GRM5: variants seen among roughly 807,000 people sequenced by gnomAD.
GRM5 encodes the protein glutamate metabotropic receptor 5.
GRM5 carries 19 observed loss-of-function variants against 83.1 expected under a neutral mutation model. The observed-to-expected ratio is 0.23, with a 90% confidence interval of 0.16 to 0.34. GRM5 has a LOEUF of 0.34. Ranked by LOEUF, GRM5 falls within the 10% of genes least tolerant of loss-of-function variation. The probability of loss-of-function intolerance (pLI) is 1.00; values close to 1 mark genes in which losing one functional copy is unlikely to be tolerated. For synonymous variants in GRM5, 675 were observed against 633.6 expected (o/e 1.07, Z -0.98); for missense variants, 1,160 against 1,588.3 (o/e 0.73, Z 4.58).
intron 4 of GRM5, among the ~76,000 whole-genome samples, chr11:88,639,837 A>C (rs1939242168): frequency 6.6e-6 from 1 of 152,166 alleles, no homozygotes; most frequent in African/African-American, 2.4e-5. Flanking sequence ...TTCAAATTCT[A>C]GTGCCTTAGG....
chr11:88,911,548 C>T lies in GRM5; in HGVS notation c.662-61393G>A, dbSNP rs561681711. ...CATATGATGGGTAGTATATTTAATT[C>T]GTGTACCACCCAGGTAGCATAGTGT... On this transcript the variant is annotated intron_variant, in intron 2 of 9. Coordinates refer to ENST00000305447, the MANE Select transcript of GRM5 (RefSeq NM_001143831.3). 7.9e-5 allele frequency among the ~76,000 whole-genome samples: 12 copies of T among 152,234 alleles called. No individual in the cohort carries two copies. In the East Asian group the frequency reaches 1.4e-3, roughly 17 times the overall value.
chr11:88,702,929 C>T (rs1941068614), intron 3 of GRM5, among the ~76,000 whole-genome samples: 1 of 152,038 alleles, frequency 6.6e-6, no homozygotes, highest in African/African-American at 2.4e-5. Context: ...GACTTCTAGC[C>T]TTCAGAACTA....
intron 3 of GRM5, among the ~76,000 whole-genome samples, chr11:88,843,293 A>G (rs914346380): frequency 1.3e-5 from 2 of 152,184 alleles, no homozygotes; most frequent in African/African-American, 4.8e-5. Flanking sequence ...TTCAATTTAC[A>G]TGATAATTGT....
At chr11:89,009,930 A>AAAAAAAAAAAAAAAAAAAC (rs1316250515) in intron 2 of GRM5, among the ~76,000 whole-genome samples, 1 of 100,122 alleles carries the variant, frequency 1.0e-5, no homozygotes, top group African/African-American at 3.1e-5. Flanking sequence ...AAAAAAAAAA[A>AAAAAAAAAAAAAAAAAAAC]CACACACAAA....
intron 2 of GRM5, among the ~76,000 whole-genome samples, chr11:88,967,671 A>C (rs59124041): frequency 0.049 from 7,513 of 152,134 alleles, 614 homozygotes; most frequent in African/African-American, 0.17. Flanking sequence ...TTAGGGATTA[A>C]ATTTCAACAT....
At position 88,816,140 on chromosome 11, in the gene GRM5, G is replaced by C. The variant is rs1236404621; in HGVS notation, c.911+33766C>G. On this transcript the variant is annotated intron_variant, in intron 3 of 9. Coordinates refer to ENST00000305447, the MANE Select transcript of GRM5 (RefSeq NM_001143831.3). ...AGGCAGGAGAATGGCGTGAACCCGG[G>C]AAGCGGAGCTTGCAGTGAGCCGAGA... Among the ~76,000 whole-genome samples the C allele has an allele frequency of 9.2e-5, 13 of 140,930 alleles. No homozygotes were observed. In the East Asian group the frequency reaches 2.5e-3, roughly 27 times the overall value. The allele number at this position is 140,930 out of a possible 152,430, so 92.5% of individuals were successfully genotyped here.
At chr11:88,945,759 G>A (rs1295302514) in intron 2 of GRM5, among the ~76,000 whole-genome samples, 1 of 152,006 alleles carries the variant, frequency 6.6e-6, no homozygotes. Context: ...AGATTTAAAT[G>A]TAAGACCTCA....
At chr11:88,839,068 G>A (rs895311626) in intron 3 of GRM5, among the ~76,000 whole-genome samples, 2 of 151,964 alleles carry the variant, frequency 1.3e-5, no homozygotes, top group African/African-American at 4.8e-5. Flanking sequence ...CCTCCACCTG[G>A]ACTTTAAATG....
chr11:88,513,214 A>G (rs563007849), intron 9 of GRM5, among the ~76,000 whole-genome samples: 2 of 152,286 alleles, frequency 1.3e-5, no homozygotes, highest in Admixed American at 6.5e-5. Context: ...CTATATGTCT[A>G]TCTCACCTGC....
intron 8 of GRM5, among the ~76,000 whole-genome samples, chr11:88,549,526 C>G (rs1222447995): frequency 6.6e-6 from 1 of 151,690 alleles, no homozygotes; most frequent in Non-Finnish European, 1.5e-5. Flanking sequence ...AAAGAAATGT[C>G]CAAGGATTGT....
At chr11:88,787,791 C>T (rs1389486237) in intron 3 of GRM5, among the ~76,000 whole-genome samples, 1 of 151,906 alleles carries the variant, frequency 6.6e-6, no homozygotes, top group Non-Finnish European at 1.5e-5. Flanking sequence ...AAAATAATAT[C>T]ATTTATTGAG....
rs1940081540 is a variant in GRM5, at chr11:88,667,781, T to C, written c.912-14378A>G. 2.6e-5 allele frequency among the ~76,000 whole-genome samples: 4 copies of C among 151,920 alleles called. No individual in the cohort carries two copies. In the South Asian group the frequency reaches 8.3e-4, roughly 32 times the overall value. On this transcript the variant is annotated intron_variant, in intron 3 of 9. Coordinates refer to ENST00000305447, the MANE Select transcript of GRM5 (RefSeq NM_001143831.3). ...GGTGGCAGGCGCCTGTAGTCCCAGC[T>C]ACTTGGGAGGCTAAGACAGGAAAAT...
chr11:88,712,403 G>T (rs900852125), intron 3 of GRM5, among the ~76,000 whole-genome samples: 1 of 151,978 alleles, frequency 6.6e-6, no homozygotes, highest in Non-Finnish European at 1.5e-5. Context: ...GTTTGGTAGA[G>T]AAATGATGTC....
chr11:88,823,536 A>G (rs919682036), intron 3 of GRM5, among the ~76,000 whole-genome samples: 1 of 151,768 alleles, frequency 6.6e-6, no homozygotes, highest in African/African-American at 2.4e-5. Context: ...CAAAAAAAAA[A>G]AGACTAGAGA....
At chr11:88,692,746 C>T (rs1449219091) in intron 3 of GRM5, among the ~76,000 whole-genome samples, 1 of 152,140 alleles carries the variant, frequency 6.6e-6, no homozygotes, top group African/African-American at 2.4e-5. Flanking sequence ...CAGCTGGCTC[C>T]CAGCTACTCC....
At chr11:88,980,213 A>G (rs956779133) in intron 2 of GRM5, among the ~76,000 whole-genome samples, 1 of 152,222 alleles carries the variant, frequency 6.6e-6, no homozygotes, top group African/African-American at 2.4e-5. Flanking sequence ...AATCAGAAAT[A>G]CAATATCTCT....
At chr11:88,624,502 G>C (rs1216064908) in intron 4 of GRM5, among the ~76,000 whole-genome samples, 1 of 152,162 alleles carries the variant, frequency 6.6e-6, no homozygotes, top group African/African-American at 2.4e-5. Context: ...ACAATGACAA[G>C]AGGGAAACTG....
intron 3 of GRM5, among the ~76,000 whole-genome samples, chr11:88,757,068 G>A (rs1942409217): frequency 1.3e-5 from 2 of 152,006 alleles, no homozygotes; most frequent in African/African-American, 4.8e-5. Flanking sequence ...CATGCAAGGG[G>A]TCCTCAAAAA....
At chr11:88,773,213 T>G (rs79262862) in intron 3 of GRM5, among the ~76,000 whole-genome samples, 97,267 of 151,936 alleles carry the variant, frequency 0.64, 31,909 homozygotes, top group Non-Finnish European at 0.73. Context: ...ATGATGAGCA[T>G]TTTTTCATGT....
Sources: gnomAD v4.1 joint callset for allele counts (sites outside exome capture counted in the v4.1 genomes callset) on GRCh38, gnomAD v4.1.1 for gene constraint, MANE v1.5 for transcripts, NCBI Gene and HGNC (gene_info 2026-07-23, HGNC 2026-07-21) for gene names.